The following PPP2R5A variants were observed in gnomAD, a reference collection of about 807,000 sequenced individuals.
The protein encoded by PPP2R5A is protein phosphatase 2 regulatory subunit B'alpha.
A neutral mutation model predicts 64.2 loss-of-function variants in PPP2R5A; 25 were observed. That is an observed-to-expected ratio of 0.39 (90% CI 0.28 to 0.54). The LOEUF (loss-of-function observed/expected upper bound fraction) is 0.54, where lower values mean the gene tolerates loss of function less well. Ranked by LOEUF, PPP2R5A falls within the 20% of genes least tolerant of loss-of-function variation. The probability of loss-of-function intolerance (pLI) is 0.67; values close to 1 mark genes in which losing one functional copy is unlikely to be tolerated. For synonymous variants in PPP2R5A, 198 were observed against 201.2 expected (o/e 0.98, Z 0.13); for missense variants, 425 against 576.3 (o/e 0.74, Z 2.69).
At chr1:212,342,338 CTTATTA>C in intron 4 of PPP2R5A, 58 bp downstream of exon 4, 2 of 1,559,906 alleles carry the variant, frequency 1.3e-6, no homozygotes, top group African/African-American at 1.4e-5. Flanking sequence ...GATTTATTAA[CTTATTA>C]TTAAAATAGT....
rs775156232 is a variant in PPP2R5A, at chr1:212,360,734, C to T, written c.1425C>T (p.Asn475=). The part of the protein sequence containing the change: ...KALEKQNSAY[N]MHSILSNTSA... ...TAGAAAAACAGAATAGTGCTTACAA[C>T]ATGCACAGTATTCTCAGCAATACAA... The change falls in exon 13 of 13, where the codon AAC becomes AAT. Residue 475 remains asparagine (N), a synonymous_variant. Transcript: ENST00000261461. The T allele has an allele frequency of 3.8e-6, 6 of 1,591,630 alleles. No homozygotes were observed. Among genetic ancestry groups the T allele is most frequent in the African/African-American group, 2.7e-5 (2 of 73,652 alleles).
At chr1:212,316,312 C>T (rs1659151651) in intron 1 of PPP2R5A, among the ~76,000 whole-genome samples, 1 of 152,112 alleles carries the variant, frequency 6.6e-6, no homozygotes, top group Non-Finnish European at 1.5e-5. Context: ...CCAGTGACCG[C>T]ATGAATGATA....
At chr1:212,317,932 G>GCT (rs1659189579) in intron 1 of PPP2R5A, among the ~76,000 whole-genome samples, 1 of 151,432 alleles carries the variant, frequency 6.6e-6, no homozygotes, top group Non-Finnish European at 1.5e-5. Context: ...GTTGCAGTGA[G>GCT]CTGAGACTCA....
chr1:212,306,013 C>T (rs1162579044), intron 1 of PPP2R5A, among the ~76,000 whole-genome samples: 1 of 152,184 alleles, frequency 6.6e-6, no homozygotes, highest in Non-Finnish European at 1.5e-5. Context: ...CAGAGGGTGC[C>T]TCCCTGGCCA....
chr1:212,308,974 A>G (rs1470398616), intron 1 of PPP2R5A: 12 of 630,144 alleles, frequency 1.9e-5, no homozygotes, highest in Non-Finnish European at 3.4e-5. Flanking sequence ...GTTTGATGTA[A>G]CATTGTCATC....
chr1:212,329,077 A>T, intron 1 of PPP2R5A, 58 bp from the exon 2 acceptor site: 1 of 1,225,758 alleles, frequency 8.2e-7, no homozygotes, highest in Non-Finnish European at 1.1e-6. Context: ...ATTAATAAAT[A>T]TATAAAAGTA....
chr1:212,338,067 C>T (rs565763961), intron 3 of PPP2R5A, among the ~76,000 whole-genome samples: 12 of 152,262 alleles, frequency 7.9e-5, no homozygotes, highest in African/African-American at 2.9e-4. Context: ...TGAGTCTTTG[C>T]CTCTCTGACC....
intron 7 of PPP2R5A, 47 bp from the exon 8 acceptor site, chr1:212,349,138 ATTAT>A (rs749445732): frequency 2.2e-4 from 277 of 1,270,878 alleles, no homozygotes; most frequent in Admixed American, 3.1e-4. Context: ...AAAATCCTAC[ATTAT>A]TAAATGTTAT....
rs945839504 is a variant in PPP2R5A, at chr1:212,346,821, A to G, written c.705-526A>G. On this transcript the variant is annotated intron_variant, in intron 5 of 12. Coordinates refer to ENST00000261461, the MANE Select transcript of PPP2R5A (RefSeq NM_006243.4). Reference sequence around the variant, plus strand: ...GTAATATCTGCCTCCTCTAGAGTGAATATCTTTCTCCAGTTCTCTGTCATC... The same window carrying G: ...GTAATATCTGCCTCCTCTAGAGTGAGTATCTTTCTCCAGTTCTCTGTCATC... Among the ~76,000 whole-genome samples the G allele has an allele frequency of 3.9e-5, 6 of 152,180 alleles. No homozygotes were observed. The East Asian group carries it at 5.8e-4, about 15-fold the overall frequency.
At chr1:212,323,874 C>T (rs545153687) in intron 1 of PPP2R5A, among the ~76,000 whole-genome samples, 1 of 152,130 alleles carries the variant, frequency 6.6e-6, no homozygotes. Context: ...GAGATCGAGA[C>T]CAGCCTGACC....
intron 4 of PPP2R5A, among the ~76,000 whole-genome samples, chr1:212,343,244 C>T (rs1171813593): frequency 6.6e-6 from 1 of 152,182 alleles, no homozygotes; most frequent in African/African-American, 2.4e-5. Flanking sequence ...TGAGCCACTG[C>T]ACTGGCCAAA....
At chr1:212,352,063 AG>A (rs1239609696) in intron 8 of PPP2R5A, among the ~76,000 whole-genome samples, 7 of 151,288 alleles carry the variant, frequency 4.6e-5, no homozygotes, top group Non-Finnish European at 8.8e-5. Context: ...TCTGTTGCCC[AG>A]GCTGGAGTGC....
rs893892843 is a variant in PPP2R5A at position 212,342,846 on chromosome 1, TTC to T, written c.573+568_573+569del. 2.7e-5 allele frequency among the ~76,000 whole-genome samples: 4 copies of T among 146,368 alleles called. 1 individual carries two copies. Among genetic ancestry groups the T allele is most frequent in the Non-Finnish European group, 6.2e-5 (4 of 64,750 alleles). On this transcript the variant is annotated intron_variant, in intron 4 of 12. Coordinates refer to ENST00000261461, the MANE Select transcript of PPP2R5A (RefSeq NM_006243.4). Reference sequence around the variant, plus strand: ...AGGAGGTAGAATTAATTGTGATGCCTTCTTTTTTTTTTATAAACTGCTTATTA... The same window carrying T: ...AGGAGGTAGAATTAATTGTGATGCCTTTTTTTTTTTATAAACTGCTTATTA...
chr1:212,324,071 C>CA lies in PPP2R5A; in HGVS notation c.182-5050dup, dbSNP rs113062943. ...TGGGCGACAGAACAAGACTCCATCT[C>CA]AAAAAAAAAAAAAATGTGTAACATG... On this transcript the variant is annotated intron_variant, in intron 1 of 12. Coordinates refer to ENST00000261461, the MANE Select transcript of PPP2R5A (RefSeq NM_006243.4). Among the ~76,000 whole-genome samples, 430 of 129,974 alleles carry CA rather than the reference C, an allele frequency of 3.3e-3. 1 individual carries two copies. The highest frequency in any genetic ancestry group is 0.014 in the East Asian group (64 of 4,504). 85.3% of individuals were successfully genotyped at this position (129,974 alleles called of 152,430 possible).
chr1:212,357,001 C>G lies in PPP2R5A; in HGVS notation c.1030C>G (p.Gln344Glu). The G allele has an allele frequency of 6.2e-7, 1 of 1,608,306 alleles. No individual in the cohort carries two copies. Among genetic ancestry groups the G allele is most frequent in the South Asian group, 1.1e-5 (1 of 90,080 alleles). The change falls in exon 10 of 13, where the codon CAG (glutamine) becomes GAG (glutamate). Residue 344 changes from glutamine to glutamate, a missense_variant. Transcript: ENST00000261461. ...AATCTTAGATGTCATTGAACCAACA[C>G]AGTTCAAAAAAATTGAAGAGCCACT... ...EEILDVIEPT[Q>E]FKKIEEPLFK...
At position 212,330,852 on chromosome 1, in the gene PPP2R5A, C is replaced by CA. The variant is rs767640542; in HGVS notation, c.378+1530dup. ...TTTCCTTAGAGAGAATAAAAGCCTT[C>CA]AAAAAAAAATTTTTTTTTTTTGGAG... On this transcript the variant is annotated intron_variant, in intron 2 of 12. Coordinates refer to ENST00000261461, the MANE Select transcript of PPP2R5A (RefSeq NM_006243.4). Among the ~76,000 whole-genome samples, 44 of 149,674 alleles carry CA rather than the reference C, an allele frequency of 2.9e-4. No individual in the cohort carries two copies. The East Asian group carries it at 5.7e-3, about 19-fold the overall frequency.
chr1:212,353,955 C>T (rs1188803219), intron 8 of PPP2R5A, among the ~76,000 whole-genome samples: 3 of 151,928 alleles, frequency 2.0e-5, no homozygotes, highest in African/African-American at 7.3e-5. Context: ...GAGGCCGAGG[C>T]GGGTAGATCA....
intron 12 of PPP2R5A, among the ~76,000 whole-genome samples, chr1:212,359,063 G>T (rs1660035382): frequency 6.6e-6 from 1 of 152,174 alleles, no homozygotes; most frequent in Non-Finnish European, 1.5e-5. Flanking sequence ...GTTAGATTAT[G>T]ATTTTAATGT....
chr1:212,317,980 A>G (rs549382205), intron 1 of PPP2R5A, among the ~76,000 whole-genome samples: 73 of 152,298 alleles, frequency 4.8e-4, no homozygotes, highest in South Asian at 3.5e-3. Context: ...GTGTGAGCCA[A>G]ATATATTTTC....
Sources: gnomAD v4.1 joint callset for allele counts (sites outside exome capture counted in the v4.1 genomes callset) on GRCh38, gnomAD v4.1.1 for gene constraint, MANE v1.5 for transcripts, NCBI Gene and HGNC (gene_info 2026-07-23, HGNC 2026-07-21) for gene names.